The following DHX57 variants were observed in gnomAD, a reference collection of about 807,000 sequenced individuals.
DHX57 encodes the protein putative ATP-dependent RNA helicase DHX57.
In DHX57, 105 loss-of-function variants were observed where a neutral mutation model predicts 156.2. That is an observed-to-expected ratio of 0.67 (90% CI 0.57 to 0.79). The LOEUF is 0.79. Among genes scored for constraint, DHX57 ranks in the 30% least tolerant of loss-of-function variants. DHX57 has a pLI of 0.00. For missense variants in DHX57, 1,847 were observed against 1,661.9 expected (o/e 1.11, Z -1.94); for synonymous variants, 704 against 595.6 (o/e 1.18, Z -2.65).
intron 15 of DHX57, 116 bp downstream of exon 15, chr2:38,826,400 A>T (rs1671087396): frequency 2.4e-6 from 3 of 1,263,062 alleles, no homozygotes; most frequent in Non-Finnish European, 3.3e-6. Context: ...CAGTTTTCAC[A>T]AAGTATTTTT....
At chr2:38,810,505 T>TG in intron 21 of DHX57, 1 of 556,874 alleles carries the variant, frequency 1.8e-6, no homozygotes, top group South Asian at 1.4e-5. Context: ...TTGATGAGAC[T>TG]GGTGTCACCG....
intron 13 of DHX57, among the ~76,000 whole-genome samples, chr2:38,834,652 T>A (rs937013104): frequency 5.3e-5 from 8 of 152,210 alleles, no homozygotes; most frequent in Non-Finnish European, 1.2e-4. Flanking sequence ...GAAGTGCCAC[T>A]AGTGATGCTG....
intron 1 of DHX57, among the ~76,000 whole-genome samples, chr2:38,869,551 C>T (rs1217416077): frequency 6.6e-6 from 1 of 152,204 alleles, no homozygotes; most frequent in Admixed American, 6.5e-5. Context: ...CTCTCCAGAG[C>T]ATTGTTGAAA....
chr2:38,837,408 C>G (rs905188236), intron 13 of DHX57, among the ~76,000 whole-genome samples: 1 of 151,658 alleles, frequency 6.6e-6, no homozygotes, highest in Non-Finnish European at 1.5e-5. Flanking sequence ...ATCAGGAGTT[C>G]GAGACCAGCC....
At position 38,861,232 on chromosome 2, in the gene DHX57, AG is replaced by A; in HGVS notation, c.1177del (p.Leu393PhefsTer6). On this transcript the variant is annotated frameshift_variant, in exon 5 of 24. Coordinates refer to ENST00000457308, the MANE Select transcript of DHX57 (RefSeq NM_198963.3). LOFTEE classifies it high-confidence loss of function. ...CGCAAATGTCAAGGCCTTGTCATAAAGAAACTCAGAAATATGTAAACGACAA... is the reference window on the plus strand; with the variant it reads ...CGCAAATGTCAAGGCCTTGTCATAAAAAACTCAGAAATATGTAAACGACAA... ...LACRLHISEF[L>X]YDKALTFAET... 1 of 1,614,192 alleles carries A rather than the reference AG, an allele frequency of 6.2e-7. No homozygotes were observed. The highest frequency in any genetic ancestry group is 1.3e-5 in the African/African-American group (1 of 75,040).
rs766032390 is a variant in DHX57, at chr2:38,861,855, T to C, written c.573-18A>G. ...AACCATACCTGTCAAGGGCAAAACA[T>C]GACAAAAATGACACATAAAAAGCAG... On this transcript the variant is annotated intron_variant, in intron 4 of 23. Coordinates refer to ENST00000457308, the MANE Select transcript of DHX57 (RefSeq NM_198963.3). 3.2e-6 allele frequency: 5 copies of C among 1,552,304 alleles called. No homozygotes were observed. In the African/African-American group the frequency reaches 4.1e-5, roughly 13 times the overall value.
intron 1 of DHX57, among the ~76,000 whole-genome samples, chr2:38,873,244 G>A (rs1665437931): frequency 6.6e-6 from 1 of 152,120 alleles, no homozygotes. Context: ...GTCCACCTTG[G>A]CCTCCCAAAG....
Position 38,823,130 on chromosome 2 carries a change from A to G in DHX57, c.3154T>C (p.Leu1052=), listed in dbSNP as rs1302188394. Residue 1052 remains leucine (L), a synonymous_variant, in exon 17 of 24, where the codon TTG becomes CTG. Transcript: ENST00000457308. The part of the protein sequence containing the change: ...DLGALTPDER[L]TPLGYHLASL... ...GCCAAATGATACCCAAGAGGGGTCA[A>G]TCTTTCATCTGGAGTTAATGCTCCT... The G allele has an allele frequency of 6.2e-7, 1 of 1,614,096 alleles. No individual in the cohort carries two copies. Among genetic ancestry groups the G allele is most frequent in the African/African-American group, 1.3e-5 (1 of 74,932 alleles).
In DHX57 at chr2:38,868,428, T is replaced by A; in HGVS notation, c.-6-17A>T. 1.9e-6 allele frequency: 3 copies of A among 1,608,122 alleles called. No homozygotes were observed. Among genetic ancestry groups the A allele is most frequent in the Non-Finnish European group, 2.5e-6 (3 of 1,178,272 alleles). On this transcript the variant is annotated splice_polypyrimidine_tract_variant and intron_variant, in intron 1 of 23. Transcript: ENST00000457308. The stretch of plus-strand genomic sequence containing the variant: ...CATTTTCACCTGCAAGAGAAAAAAA[T>A]TAATGTAGACATCATAAAACCAGAC...
intron 1 of DHX57, among the ~76,000 whole-genome samples, chr2:38,869,722 G>C (rs1399136117): frequency 1.3e-5 from 2 of 152,184 alleles, no homozygotes; most frequent in Non-Finnish European, 2.9e-5. Context: ...CCTGAAAGGG[G>C]AGAATCAGTA....
intron 21 of DHX57, among the ~76,000 whole-genome samples, chr2:38,809,069 T>C (rs1014563615): frequency 1.3e-5 from 2 of 152,152 alleles, no homozygotes; most frequent in Non-Finnish European, 2.9e-5. Flanking sequence ...TAACTGAGAT[T>C]ACCAGTGCAT....
At chr2:38,853,934 T>TC in intron 9 of DHX57, 120 bp downstream of exon 9, 1 of 1,018,626 alleles carries the variant, frequency 9.8e-7, no homozygotes, top group Non-Finnish European at 1.4e-6. Flanking sequence ...ACATAGGCCT[T>TC]CCTTGTGGCA....
intron 19 of DHX57, 92 bp downstream of exon 19, chr2:38,818,785 T>C (rs1572636372): frequency 7.2e-7 from 1 of 1,387,030 alleles, no homozygotes; most frequent in East Asian, 2.3e-5. Context: ...ACATTTGCAA[T>C]GTTAAGACAG....
chr2:38,865,260 C>T (rs895834266), intron 2 of DHX57, among the ~76,000 whole-genome samples: 3 of 152,074 alleles, frequency 2.0e-5, no homozygotes, highest in Non-Finnish European at 2.9e-5. Context: ...GGGAGGGAAC[C>T]GGTTGGAGGT....
In DHX57 at chr2:38,861,628, T is replaced by C. The variant is rs770952880; in HGVS notation, c.782A>G (p.Glu261Gly). The change falls in exon 5 of 24, where the codon GAA becomes GGA. Residue 261 changes from glutamate to glycine, a missense_variant. Coordinates refer to ENST00000457308, the MANE Select transcript of DHX57 (RefSeq NM_198963.3). Reference protein sequence around the residue: ...EAFALKSICGEKFIERIQNRV... With the variant: ...EAFALKSICGGKFIERIQNRV... ...GTTCTGAATTCTTTCTATAAATTTTTCTCCACAGATGGACTTGAGAGCAAA... is the reference window on the plus strand; with the variant it reads ...GTTCTGAATTCTTTCTATAAATTTTCCTCCACAGATGGACTTGAGAGCAAA... The C allele has an allele frequency of 1.2e-6, 2 of 1,614,052 alleles. No individual in the cohort carries two copies. The highest frequency in any genetic ancestry group is 2.7e-5 in the African/African-American group (2 of 74,930).
intron 12 of DHX57, among the ~76,000 whole-genome samples, chr2:38,840,490 C>T (rs1671933989): frequency 6.6e-6 from 1 of 151,722 alleles, no homozygotes; most frequent in Non-Finnish European, 1.5e-5. Context: ...AAGCGATTCT[C>T]ATTCCTCAAC....
intron 19 of DHX57, chr2:38,816,023 A>C: frequency 2.4e-6 from 1 of 412,408 alleles, no homozygotes; most frequent in South Asian, 1.9e-5. Context: ...TTCCAACTCC[A>C]AGTGCTGCGG....
intron 12 of DHX57, among the ~76,000 whole-genome samples, chr2:38,840,633 C>T (rs1449924192): frequency 1.3e-5 from 2 of 152,014 alleles, no homozygotes; most frequent in Non-Finnish European, 2.9e-5. Flanking sequence ...GCAATCAGCC[C>T]AGTACCATAC....
chr2:38,808,259 T>TA (rs1299611213), intron 21 of DHX57, among the ~76,000 whole-genome samples: 1 of 152,082 alleles, frequency 6.6e-6, no homozygotes, highest in Admixed American at 6.6e-5. Flanking sequence ...AGCCAGTAAA[T>TA]ATCATTTTAA....
Sources: allele counts gnomAD v4.1 joint callset (sites outside exome capture counted in the v4.1 genomes callset), GRCh38; gene constraint gnomAD v4.1.1; transcripts MANE v1.5; gene names NCBI Gene and HGNC (gene_info 2026-07-23, HGNC 2026-07-21).